Variants in EFCAB12 observed in about 807,000 individuals in gnomAD.
EFCAB12 encodes EF-hand calcium-binding domain-containing protein 12.
A neutral mutation model predicts 53.6 loss-of-function variants in EFCAB12; 43 were observed. The ratio of observed to expected loss-of-function variants is 0.80; its 90% CI spans 0.63 to 1.03. EFCAB12 has a LOEUF of 1.03. Among genes scored for constraint, EFCAB12 ranks in the 50% least tolerant of loss-of-function variants. The probability of loss-of-function intolerance (pLI) is 0.00; values close to 1 mark genes in which losing one functional copy is unlikely to be tolerated. For synonymous variants in EFCAB12, 269 were observed against 289.2 expected (o/e 0.93, Z 0.71); for missense variants, 646 against 730.6 (o/e 0.88, Z 1.34).
At chr3:129,408,548 C>T in intron 6 of EFCAB12, 97 bp downstream of exon 6, 1 of 1,318,890 alleles carries the variant, frequency 7.6e-7, no homozygotes, top group Non-Finnish European at 1.1e-6. Flanking sequence ...ATTACAGTGG[C>T]TTGAATGGCT....
chr3:129,418,116 G>T (rs2072141034), intron 3 of EFCAB12, 138 bp downstream of exon 3: 1 of 757,036 alleles, frequency 1.3e-6, no homozygotes, highest in Non-Finnish European at 2.0e-6. Context: ...TAATAAGGCT[G>T]ACAGTTTGCA....
chr3:129,426,663 C>T (rs1292011946), intron 1 of EFCAB12, among the ~76,000 whole-genome samples: 3 of 151,140 alleles, frequency 2.0e-5, no homozygotes, highest in Non-Finnish European at 3.0e-5. Context: ...GGCGCCCGGC[C>T]GGGGATCTTT....
chr3:129,404,103 G>A, intron 7 of EFCAB12, 147 bp downstream of exon 7: 1 of 1,060,362 alleles, frequency 9.4e-7, no homozygotes, highest in Non-Finnish European at 1.3e-6. Context: ...AGTCTGCAGT[G>A]AGCAGTCAGG....
chr3:129,417,331 A>AC (rs2072128488), intron 3 of EFCAB12, among the ~76,000 whole-genome samples: 1 of 135,484 alleles, frequency 7.4e-6, no homozygotes, highest in Non-Finnish European at 1.5e-5. Context: ...CTCAAAAAAA[A>AC]AAAAAAAACC....
chr3:129,406,382 C>T (rs1480434599), intron 6 of EFCAB12, among the ~76,000 whole-genome samples: 2 of 152,184 alleles, frequency 1.3e-5, no homozygotes, highest in Admixed American at 6.5e-5. Context: ...AGCCTCTGAC[C>T]ACATTCCCCT....
At position 129,408,834 on chromosome 3, in the gene EFCAB12, T is replaced by A. The variant is rs1224393721; in HGVS notation, c.1060A>T (p.Thr354Ser). 1 of 1,573,092 alleles carries A rather than the reference T, an allele frequency of 6.4e-7. No homozygotes were observed. The highest frequency in any genetic ancestry group is 8.6e-7 in the Non-Finnish European group (1 of 1,159,162). ...CAGCGCACCAGGTGACATTGCTCCG[T>A]GTACTGGATGGAGGGGATCGTGAGC... Reference protein sequence around the residue: ...HKLTIPSIQYTEQCHLVRCGN... With the variant: ...HKLTIPSIQYSEQCHLVRCGN... Residue 354 changes from threonine (T) to serine (S), a missense_variant, in exon 6 of 9, where the codon ACG becomes TCG. Coordinates refer to ENST00000505956, the MANE Select transcript of EFCAB12 (RefSeq NM_207307.3).
chr3:129,411,035 G>A, intron 5 of EFCAB12, 123 bp downstream of exon 5: 3 of 1,012,248 alleles, frequency 3.0e-6, no homozygotes, highest in Non-Finnish European at 4.2e-6. Flanking sequence ...AGAAGGGGTG[G>A]TTGTAGAGGC....
chr3:129,402,211 C>A (rs771385569), intron 8 of EFCAB12, among the ~76,000 whole-genome samples: 8 of 152,206 alleles, frequency 5.3e-5, no homozygotes, highest in Non-Finnish European at 8.8e-5. Context: ...GGGTTCAGAT[C>A]CCCACTGCAT....
rs2071992431 is a variant in EFCAB12, at chr3:129,408,869, A to G, written c.1036-11T>C. 1.3e-6 allele frequency: 2 copies of G among 1,560,312 alleles called. No homozygotes were observed. The highest frequency in any genetic ancestry group is 8.7e-7 in the Non-Finnish European group (1 of 1,152,464). ...GGAGGGGATCGTGAGCTGCGAAGGA[A>G]GCAGAAAGGGGCTCGCCCTTCTCTC... is the stretch of plus-strand genomic sequence containing the variant. On this transcript the variant is annotated splice_polypyrimidine_tract_variant and intron_variant, in intron 5 of 8. Transcript: ENST00000505956.
chr3:129,425,348 A>G (rs7340742), intron 1 of EFCAB12, among the ~76,000 whole-genome samples: 3,801 of 152,112 alleles, frequency 0.025, 140 homozygotes, highest in African/African-American at 0.082. Context: ...TCTGTGGCCT[A>G]CAAAGCTGCC....
chr3:129,415,411 G>T lies in EFCAB12; in HGVS notation c.682-10C>A, dbSNP rs924398055. On this transcript the variant is annotated splice_polypyrimidine_tract_variant and intron_variant, in intron 3 of 8. Coordinates refer to ENST00000505956, the MANE Select transcript of EFCAB12 (RefSeq NM_207307.3). ...TCAGAGGGACTCCGACCTGAGGAGA[G>T]AGAAGACCTTCAGACTAGCAGGCTC... 1 of 1,613,432 alleles carries T rather than the reference G, an allele frequency of 6.2e-7. No homozygotes were observed. Among genetic ancestry groups the T allele is most frequent in the Non-Finnish European group, 8.5e-7 (1 of 1,179,700 alleles).
At chr3:129,427,822 C>T (rs2072290881) in intron 1 of EFCAB12, among the ~76,000 whole-genome samples, 1 of 152,164 alleles carries the variant, frequency 6.6e-6, no homozygotes, top group Admixed American at 6.5e-5. Flanking sequence ...TGATCTTGTC[C>T]CTTCTGACCT....
At chr3:129,425,745 G>T (rs2072263048) in intron 1 of EFCAB12, among the ~76,000 whole-genome samples, 1 of 152,134 alleles carries the variant, frequency 6.6e-6, no homozygotes, top group Non-Finnish European at 1.5e-5. Flanking sequence ...ATGTGACAAT[G>T]TTCCTAGGAA....
In EFCAB12 at chr3:129,423,691, C is replaced by T. The variant is rs957432933; in HGVS notation, c.50-1888G>A. The stretch of plus-strand genomic sequence containing the variant: ...TGGAAATACTGTCACTGTCATTTTC[C>T]TCCTAAAACCCAAACTCCCTTGCTT... On this transcript the variant is annotated intron_variant, in intron 1 of 8. Transcript: ENST00000505956. 2.0e-5 allele frequency among the ~76,000 whole-genome samples: 3 copies of T among 152,104 alleles called. No individual in the cohort carries two copies. In the East Asian group the frequency reaches 5.8e-4, roughly 29 times the overall value.
intron 4 of EFCAB12, chr3:129,412,172 C>T: frequency 6.6e-6 from 1 of 152,338 alleles, no homozygotes; most frequent in Non-Finnish European, 1.5e-5. Flanking sequence ...CACACCACTG[C>T]ACTCAAACCT....
intron 2 of EFCAB12, among the ~76,000 whole-genome samples, chr3:129,419,125 A>T (rs1311163370): frequency 6.6e-6 from 1 of 152,208 alleles, no homozygotes; most frequent in Admixed American, 6.5e-5. Flanking sequence ...ACCTTGTGCT[A>T]TGGCTTAATG....
At chr3:129,418,560 G>T in intron 2 of EFCAB12, 112 bp from the exon 3 acceptor site, 1 of 993,680 alleles carries the variant, frequency 1.0e-6, no homozygotes, top group Non-Finnish European at 1.4e-6. Flanking sequence ...CTAAATAGCA[G>T]GATAGAGTAC....
intron 3 of EFCAB12, 77 bp downstream of exon 3, chr3:129,418,177 G>A: frequency 7.4e-7 from 1 of 1,360,038 alleles, no homozygotes; most frequent in Non-Finnish European, 9.9e-7. Flanking sequence ...GGCGGGGGAG[G>A]GGCGGGGGTG....
chr3:129,416,704 T>C, intron 3 of EFCAB12, among the ~76,000 whole-genome samples: 1 of 152,146 alleles, frequency 6.6e-6, no homozygotes, highest in East Asian at 1.9e-4. Flanking sequence ...GGCTGGAGTG[T>C]AGTGGTGTGA....
Sources: allele counts gnomAD v4.1 joint callset (sites outside exome capture counted in the v4.1 genomes callset), GRCh38; gene constraint gnomAD v4.1.1; transcripts MANE v1.5; gene names NCBI Gene and HGNC (gene_info 2026-07-23, HGNC 2026-07-21).